The following CFAP20 variants were observed in gnomAD, a reference collection of about 807,000 sequenced individuals.
CFAP20 encodes the protein cilia- and flagella-associated protein 20.
In CFAP20, 14 loss-of-function variants were observed where a neutral mutation model predicts 25.5. The observed-to-expected ratio is 0.55, with a 90% CI of 0.36 to 0.86. The LOEUF is 0.86. CFAP20 is among the 40% of genes least tolerant of loss of function. CFAP20 has a pLI of 0.01. For synonymous variants in CFAP20, 75 were observed against 91.1 expected, an observed-to-expected ratio of 0.82 and a Z score of 1.01; for missense variants, 181 against 248.0, an observed-to-expected ratio of 0.73 and a Z score of 1.81.
At chr16:58,116,786 G>T in intron 2 of CFAP20, 86 bp downstream of exon 2, 2 of 1,255,588 alleles carry the variant, frequency 1.6e-6, no homozygotes, top group Non-Finnish European at 2.3e-6. Flanking sequence ...CCGGCACTCT[G>T]ACTCCGCAGT....
At chr16:58,121,883 G>T (rs1960539326) in intron 1 of CFAP20, among the ~76,000 whole-genome samples, 1 of 152,196 alleles carries the variant, frequency 6.6e-6, no homozygotes, top group Non-Finnish European at 1.5e-5. Flanking sequence ...AAAATAACAT[G>T]AGTTGTATCC....
At chr16:58,121,803 GA>G (rs558142525) in intron 1 of CFAP20, among the ~76,000 whole-genome samples, 40 of 149,280 alleles carry the variant, frequency 2.7e-4, no homozygotes, top group African/African-American at 7.1e-4. Flanking sequence ...CAAGCTGAGG[GA>G]AAAAAAAAAT....
intron 3 of CFAP20, 84 bp downstream of exon 3, chr16:58,115,957 T>C: frequency 1.1e-6 from 1 of 952,218 alleles, no homozygotes; most frequent in East Asian, 2.5e-5. Flanking sequence ...TAAAGATACT[T>C]TGTAGGGTCA....
intron 1 of CFAP20, among the ~76,000 whole-genome samples, chr16:58,128,605 C>G (rs886184502): frequency 6.6e-6 from 1 of 152,174 alleles, no homozygotes; most frequent in Admixed American, 6.6e-5. Context: ...ATTTGGAATT[C>G]GTGAATAGCA....
chr16:58,117,595 AT>A (rs201547464), intron 1 of CFAP20, among the ~76,000 whole-genome samples: 4,882 of 146,578 alleles, frequency 0.033, 98 homozygotes, highest in East Asian at 0.088. Flanking sequence ...TGCCCAGCCG[AT>A]TTTTTTTTTT....
rs1375251670 is a variant in CFAP20, at chr16:58,115,454, G to C, written c.280C>G (p.Leu94Val). The change falls in exon 4 of 6, where the codon CTA (leucine) becomes GTA (valine). Residue 94 changes from leucine (L) to valine (V), a missense_variant. Physicochemically the swap from Leu to Val is conservative, Grantham distance 32. Coordinates refer to ENST00000262498, the MANE Select transcript of CFAP20 (RefSeq NM_013242.3). The stretch of plus-strand genomic sequence containing the variant: ...CGACGACGCACATTCTTGTCATCTA[G>C]TACCTGTGAAATACAGAGAAGAAGC... Reference protein sequence around the residue: ...KKYFTFEVQVLDDKNVRRRFR... With the variant: ...KKYFTFEVQVVDDKNVRRRFR... 6.2e-7 allele frequency: 1 copy of C among 1,613,986 alleles called. No homozygotes were observed. The highest frequency in any genetic ancestry group is 1.3e-5 in the African/African-American group (1 of 74,940).
intron 5 of CFAP20, among the ~76,000 whole-genome samples, chr16:58,114,326 G>C (rs1960426281): frequency 6.6e-6 from 1 of 152,162 alleles, no homozygotes; most frequent in African/African-American, 2.4e-5. Context: ...TCAGGAGTTT[G>C]AGACCAGCCT....
Position 58,113,918 on chromosome 16 carries a change from C to T in CFAP20, c.*107G>A, listed in dbSNP as rs929500952. 12 of 1,311,862 alleles carry T rather than the reference C, an allele frequency of 9.1e-6. No homozygotes were observed. The highest frequency in any genetic ancestry group is 1.3e-5 in the Non-Finnish European group (12 of 907,650). The allele number at this position is 1,311,862 out of a possible 1,614,324, so 81.3% of individuals were successfully genotyped here. ...ACACCAAGTATAAATAACAGAACTACAGCAGAGCAAACTAAGATAAATATG... is the reference window on the plus strand; with the variant it reads ...ACACCAAGTATAAATAACAGAACTATAGCAGAGCAAACTAAGATAAATATG... On this transcript the variant is annotated 3_prime_UTR_variant, in exon 6 of 6. Transcript: ENST00000262498.
intron 1 of CFAP20, among the ~76,000 whole-genome samples, chr16:58,127,616 C>A (rs796680643): frequency 1.4e-4 from 21 of 152,308 alleles, no homozygotes; most frequent in African/African-American, 4.6e-4. Context: ...ATACATGAAA[C>A]TAAAAACCTC....
chr16:58,115,297 G>A lies in CFAP20; in HGVS notation c.437C>T (p.Thr146Ile). The part of the protein sequence containing the change: ...LLDFTRRAYG[T>I]NYIETLRVQI... ...CACTCTGAGGGTCTCGATGTAATTG[G>A]TGCCGTATGCTCGCCGTGTGAAGTC... The change falls in exon 4 of 6, where the codon ACC (threonine) becomes ATC (isoleucine). Residue 146 changes from threonine (T) to isoleucine (I), a missense_variant. Physicochemically the swap from Thr to Ile is moderately conservative, Grantham distance 89 (BLOSUM62 -1). Transcript: ENST00000262498. 6.2e-7 allele frequency: 1 copy of A among 1,614,178 alleles called. No individual in the cohort carries two copies. Among genetic ancestry groups the A allele is most frequent in the Non-Finnish European group, 8.5e-7 (1 of 1,180,030 alleles).
intron 1 of CFAP20, among the ~76,000 whole-genome samples, chr16:58,119,848 CATGTT>C (rs1960509054): frequency 7.3e-6 from 1 of 137,196 alleles, no homozygotes; most frequent in Non-Finnish European, 1.6e-5. Context: ...CTCGCCATCT[CATGTT>C]CCCAACCTAA....
intron 1 of CFAP20, among the ~76,000 whole-genome samples, chr16:58,117,911 C>T (rs141455801): frequency 1.3e-5 from 2 of 152,332 alleles, no homozygotes; most frequent in African/African-American, 2.4e-5. Context: ...CTGTGCCACA[C>T]ACAGATGCCT....
chr16:58,115,199 C>T lies in CFAP20; in HGVS notation c.465+70G>A, dbSNP rs144882399. 4.2e-5 allele frequency: 66 copies of T among 1,586,226 alleles called. No homozygotes were observed. The East Asian group carries it at 1.3e-3, about 30-fold the overall frequency. On this transcript the variant is annotated intron_variant, in intron 4 of 5. Coordinates refer to ENST00000262498, the MANE Select transcript of CFAP20 (RefSeq NM_013242.3). ...AACCCACACTGTTCTGCTATGTGGG[C>T]CACAAGCCAATATTAGACGCAGTGT...
chr16:58,116,246 G>A, intron 2 of CFAP20, 94 bp from the exon 3 acceptor site: 2 of 875,150 alleles, frequency 2.3e-6, no homozygotes, highest in South Asian at 1.9e-5. Flanking sequence ...GGATACACTG[G>A]AAAGCAGATC....
At chr16:58,119,412 G>T (rs1478879137) in intron 1 of CFAP20, 1 of 152,244 alleles carries the variant, frequency 6.6e-6, no homozygotes, top group African/African-American at 2.4e-5. Context: ...ATATGAATAG[G>T]TTCAAGGAGG....
In CFAP20 at chr16:58,114,842, T is replaced by A. The variant is rs1363220365; in HGVS notation, c.544A>T (p.Lys182Ter). ...YSEDELPAEF[K>*]LYLPVQNKAK... ...TTGTTCTGAACTGGGAGATACAGTT[T>A]GAACTCTGCCGGCAGCTCATCTTCT... The change falls in exon 5 of 6, where the codon AAA becomes TAA. Residue 182 changes from lysine (K) to a stop codon, truncating the protein, a stop_gained. Transcript: ENST00000262498. LOFTEE classifies it high-confidence loss of function. 1 of 1,614,118 alleles carries A rather than the reference T, an allele frequency of 6.2e-7. No homozygotes were observed. Among genetic ancestry groups the A allele is most frequent in the Non-Finnish European group, 8.5e-7 (1 of 1,179,988 alleles).
intron 4 of CFAP20, 86 bp downstream of exon 4, chr16:58,115,183 T>C (rs1398225824): frequency 1.3e-6 from 2 of 1,543,224 alleles, no homozygotes; most frequent in African/African-American, 2.7e-5. Context: ...AAACCCACAC[T>C]GTTCTGCTAT....
chr16:58,124,659 A>G (rs1315249151), intron 1 of CFAP20, among the ~76,000 whole-genome samples: 1 of 152,260 alleles, frequency 6.6e-6, no homozygotes, highest in Admixed American at 6.5e-5. Context: ...AAGTGACACA[A>G]CTGGATAGGG....
In CFAP20 at chr16:58,124,430, A is replaced by T. The variant is rs565654652; in HGVS notation, c.84+4602T>A. Among the ~76,000 whole-genome samples, 150 of 152,360 alleles carry T rather than the reference A, an allele frequency of 9.8e-4. No homozygotes were observed. The Middle Eastern group carries it at 0.01, about 10-fold the overall frequency. ...GGGATTACGTTCTGAGAAATGCCTC[A>T]TTAGGCAGTTCCATGGCTGTGTGAA... On this transcript the variant is annotated intron_variant, in intron 1 of 5. Coordinates refer to ENST00000262498, the MANE Select transcript of CFAP20 (RefSeq NM_013242.3).
Sources: allele counts gnomAD v4.1 joint callset (sites outside exome capture counted in the v4.1 genomes callset), GRCh38; gene constraint gnomAD v4.1.1; transcripts MANE v1.5; gene names NCBI Gene and HGNC (gene_info 2026-07-23, HGNC 2026-07-21).